The following PRKAR1A variants were observed in gnomAD, a reference collection of about 807,000 sequenced individuals.
PRKAR1A encodes the protein protein kinase cAMP-dependent type I regulatory subunit alpha, also known as cAMP-dependent protein kinase type I-alpha regulatory subunit.
In PRKAR1A, 3 loss-of-function variants were observed where a neutral mutation model predicts 52.0. That is an observed-to-expected ratio of 0.06 (90% CI 0.03 to 0.15). The LOEUF (loss-of-function observed/expected upper bound fraction) is 0.15. Ranked by LOEUF, PRKAR1A falls within the 10% of genes least tolerant of loss-of-function variation. The probability of loss-of-function intolerance (pLI) is 1.00; values close to 1 mark genes in which losing one functional copy is unlikely to be tolerated. For synonymous variants in PRKAR1A, 188 were observed against 168.4 expected (o/e 1.12, Z -0.90); for missense variants, 240 against 477.4 (o/e 0.50, Z 4.63).
the PRKAR1A span, among the ~76,000 whole-genome samples, chr17:68,502,629 G>C: frequency 6.6e-6 from 1 of 151,996 alleles, no homozygotes; most frequent in Non-Finnish European, 1.5e-5. Flanking sequence ...GTGGGCGTCT[G>C]TAATCCCAGC....
At chr17:68,468,588 C>T in the PRKAR1A span, among the ~76,000 whole-genome samples, 2 of 152,136 alleles carry the variant, frequency 1.3e-5, no homozygotes, top group African/African-American at 2.4e-5. Flanking sequence ...GCTGAATGCA[C>T]CAGTTTATTT....
the PRKAR1A span, among the ~76,000 whole-genome samples, chr17:68,461,930 CT>C: frequency 6.6e-6 from 1 of 152,152 alleles, no homozygotes; most frequent in South Asian, 2.1e-4. The surrounding 1 kb of genome is among the most constrained non-coding windows in gnomAD (Gnocchi z 4.6). Context: ...GCAGGTGCAA[CT>C]GGGTTTTCTG....
Position 68,530,844 on chromosome 17 carries a change from T to C in PRKAR1A, c.*395T>C. ...TGTCCAGTTATAAGCGTATTTAGACTGTGGCCATATATGCTGTATTTCTTT... is the reference window on the plus strand; with the variant it reads ...TGTCCAGTTATAAGCGTATTTAGACCGTGGCCATATATGCTGTATTTCTTT... On this transcript the variant is annotated 3_prime_UTR_variant, in exon 11 of 11. Coordinates refer to ENST00000589228, the MANE Select transcript of PRKAR1A (RefSeq NM_002734.5). 1.7e-6 allele frequency: 2 copies of C among 1,203,884 alleles called. No homozygotes were observed. The highest frequency in any genetic ancestry group is 2.1e-6 in the Non-Finnish European group (2 of 959,504). The allele number at this position is 1,203,884 out of a possible 1,614,324, so 74.6% of individuals were successfully genotyped here.
chr17:68,489,212 A>ATATATATGGAAAG, the PRKAR1A span, among the ~76,000 whole-genome samples: 3 of 51,332 alleles, frequency 5.8e-5, 1 homozygote, highest in Non-Finnish European at 1.0e-4. Flanking sequence ...ATATATATAT[A>ATATATATGGAAAG]TATATATATA....
chr17:68,519,003 A>C (rs1451898966), intron 2 of PRKAR1A, among the ~76,000 whole-genome samples: 1 of 152,078 alleles, frequency 6.6e-6, no homozygotes, highest in Admixed American at 6.5e-5. Context: ...TCCATCTGAG[A>C]CCACCTTAGC....
chr17:68,532,990 G>A lies in PRKAR1A; in HGVS notation c.*2541G>A. On this transcript the variant is annotated 3_prime_UTR_variant, in exon 11 of 11. Transcript: ENST00000589228. ...GAGATGTAGCAGATTTATTTACTTA[G>A]TCATGGAAAGAAAAAAATTCAGTCA... 1 of 1,065,816 alleles carries A rather than the reference G, an allele frequency of 9.4e-7. No homozygotes were observed. Among genetic ancestry groups the A allele is most frequent in the South Asian group, 4.5e-5 (1 of 21,980 alleles). The allele number at this position is 1,065,816 out of a possible 1,614,324, so 66.0% of individuals were successfully genotyped here.
At chr17:68,473,801 G>A in the PRKAR1A span, among the ~76,000 whole-genome samples, 5 of 152,138 alleles carry the variant, frequency 3.3e-5, no homozygotes, top group Non-Finnish European at 7.4e-5. Context: ...GATTACAGGC[G>A]TGAACCACCG....
chr17:68,502,179 G>T, the PRKAR1A span, among the ~76,000 whole-genome samples: 1 of 151,898 alleles, frequency 6.6e-6, no homozygotes, highest in Non-Finnish European at 1.5e-5. Context: ...AAAAGATAAA[G>T]TGTGCACTTG....
At chr17:68,541,845 TC>T in intron 11 of PRKAR1A, 1 of 1,040,316 alleles carries the variant, frequency 9.6e-7, no homozygotes, top group Non-Finnish European at 1.4e-6. Context: ...GGCCTGCTGA[TC>T]CCAGGATCAA....
chr17:68,503,422 G>A, the PRKAR1A span, among the ~76,000 whole-genome samples: 80 of 152,256 alleles, frequency 5.3e-4, no homozygotes, highest in African/African-American at 1.9e-3. Context: ...ATTCATAATT[G>A]CCAACACTTG....
At chr17:68,506,310 G>C in the PRKAR1A span, among the ~76,000 whole-genome samples, 1 of 151,992 alleles carries the variant, frequency 6.6e-6, no homozygotes, top group African/African-American at 2.4e-5. Context: ...GAAATACCAG[G>C]CAGGACTAAC....
chr17:68,475,528 A>G, the PRKAR1A span, among the ~76,000 whole-genome samples: 1 of 152,258 alleles, frequency 6.6e-6, no homozygotes, highest in Non-Finnish European at 1.5e-5. Flanking sequence ...CAGTGGCACA[A>G]TTTCATCTCA....
chr17:68,514,953 A>G, intron 1 of PRKAR1A: 1 of 239,320 alleles, frequency 4.2e-6, no homozygotes, highest in Non-Finnish European at 8.4e-6. Context: ...AATGTCAGAT[A>G]TTCTTCATTG....
At chr17:68,440,320 C>T in the PRKAR1A span, among the ~76,000 whole-genome samples, 3 of 152,210 alleles carry the variant, frequency 2.0e-5, no homozygotes, top group East Asian at 5.8e-4. Context: ...TCTTGGGAAC[C>T]ACCCAAGGCA....
At chr17:68,550,369 CTTTTTTTTTTTTTTT>C (rs747654899) in intron 11 of PRKAR1A, among the ~76,000 whole-genome samples, 1 of 79,390 alleles carries the variant, frequency 1.3e-5, no homozygotes, top group Non-Finnish European at 2.2e-5. Context: ...AATGGGGGAA[CTTTTTTTTTTTTTTT>C]TTTTTTTTTT....
At chr17:68,523,931 C>T (rs1386268727) in intron 4 of PRKAR1A, 85 bp from the exon 5 acceptor site, 1 of 1,582,964 alleles carries the variant, frequency 6.3e-7, no homozygotes, top group African/African-American at 1.3e-5. Context: ...AGATGACAGT[C>T]TGGGGTCTTT....
the PRKAR1A span, among the ~76,000 whole-genome samples, chr17:68,472,708 G>A: frequency 2.5e-4 from 38 of 152,106 alleles, no homozygotes; most frequent in Non-Finnish European, 4.4e-4. Context: ...CACTTTGGGA[G>A]GCCGAGGTGG....
chr17:68,540,841 G>A (rs2086254648), intron 11 of PRKAR1A: 3 of 1,591,462 alleles, frequency 1.9e-6, no homozygotes, highest in African/African-American at 1.3e-5. Flanking sequence ...CTGCGTGTGG[G>A]GACCTACCTA....
At chr17:68,541,070 G>T (rs550086035) in intron 11 of PRKAR1A, 2 of 1,497,466 alleles carry the variant, frequency 1.3e-6, no homozygotes, top group East Asian at 2.5e-5. Context: ...TCCTGCCCTG[G>T]GCTGGTGGCA....
Sources: allele counts gnomAD v4.1 joint callset (sites outside exome capture counted in the v4.1 genomes callset), GRCh38; gene constraint gnomAD v4.1.1; non-coding constraint Gnocchi (gnomAD v3.1); transcripts MANE v1.5; gene names NCBI Gene and HGNC (gene_info 2026-07-23, HGNC 2026-07-21).